Variants in C1QTNF3 observed in about 807,000 individuals in gnomAD.
C1QTNF3 encodes the protein complement C1q tumor necrosis factor-related protein 3.
C1QTNF3 carries 26 observed loss-of-function variants against 32.6 expected under a neutral mutation model. The observed-to-expected ratio is 0.80, with a 90% CI of 0.58 to 1.11. The LOEUF is 1.11. Ranked by LOEUF, C1QTNF3 falls within the 50% of genes least tolerant of loss-of-function variation. The probability of loss-of-function intolerance (pLI) is 0.00; values close to 1 mark genes in which losing one functional copy is unlikely to be tolerated. For synonymous variants in C1QTNF3, 155 were observed against 146.0 expected (o/e 1.06, Z -0.44); for missense variants, 362 against 398.2 (o/e 0.91, Z 0.77).
At chr5:34,194,819 T>A in the C1QTNF3 span, among the ~76,000 whole-genome samples, 11 of 151,504 alleles carry the variant, frequency 7.3e-5, no homozygotes, top group Admixed American at 6.6e-4. Flanking sequence ...TATTTGCACA[T>A]CACCTTTGCA....
chr5:34,149,107 C>T, the C1QTNF3 span, among the ~76,000 whole-genome samples: 1,026 of 29,596 alleles, frequency 0.035, 56 homozygotes, highest in African/African-American at 0.12. Context: ...AGGGTATCAG[C>T]GATGGAAGAT....
At chr5:34,133,976 T>C in the C1QTNF3 span, among the ~76,000 whole-genome samples, 3 of 152,210 alleles carry the variant, frequency 2.0e-5, no homozygotes, top group African/African-American at 7.2e-5. Flanking sequence ...GAGTGAGTGT[T>C]TGGTGACTAA....
upstream of C1QTNF3, among the ~76,000 whole-genome samples, chr5:34,044,671 G>A (rs145124992): frequency 2.0e-5 from 3 of 152,282 alleles, no homozygotes; most frequent in East Asian, 1.9e-4. Flanking sequence ...TGCTGGGGAC[G>A]GAGGGAGAGA....
chr5:34,230,733 G>A, the C1QTNF3 span, among the ~76,000 whole-genome samples: 1 of 152,124 alleles, frequency 6.6e-6, no homozygotes, highest in Admixed American at 6.6e-5. Flanking sequence ...AGTAATGACT[G>A]TAGTGGACAG....
At chr5:34,084,804 T>TG in the C1QTNF3 span, among the ~76,000 whole-genome samples, 1 of 118,648 alleles carries the variant, frequency 8.4e-6, no homozygotes, top group African/African-American at 5.7e-5. Flanking sequence ...TTTTTTGTTT[T>TG]TTTTGTTTTT....
chr5:34,112,497 CAA>C, the C1QTNF3 span, among the ~76,000 whole-genome samples: 264 of 132,768 alleles, frequency 2.0e-3, no homozygotes, highest in Middle Eastern at 3.9e-3. Flanking sequence ...CCATCTCTAC[CAA>C]AAAAAAAAAA....
At chr5:34,020,808 CTG>C in intron 5 of C1QTNF3, 66 bp from the exon 6 acceptor site, 1 of 1,497,168 alleles carries the variant, frequency 6.7e-7, no homozygotes, top group Non-Finnish European at 9.2e-7. Flanking sequence ...TCACCAAAGT[CTG>C]TGCTCCCCTT....
At chr5:34,142,897 A>C in the C1QTNF3 span, among the ~76,000 whole-genome samples, 2 of 152,228 alleles carry the variant, frequency 1.3e-5, no homozygotes, top group African/African-American at 4.8e-5. Context: ...CTTCCAAAGG[A>C]GTCCACTAGC....
the C1QTNF3 span, among the ~76,000 whole-genome samples, chr5:34,237,853 G>A: frequency 6.6e-6 from 1 of 152,030 alleles, no homozygotes; most frequent in Non-Finnish European, 1.5e-5. Context: ...GACTCCCCCA[G>A]GGCCCAGGAG....
At chr5:34,056,068 C>T in the C1QTNF3 span, among the ~76,000 whole-genome samples, 25 of 152,144 alleles carry the variant, frequency 1.6e-4, no homozygotes, top group Non-Finnish European at 3.2e-4. Context: ...GAAATGGCAT[C>T]CATCAGTTTT....
At chr5:34,232,850 A>C in the C1QTNF3 span, among the ~76,000 whole-genome samples, 1 of 152,084 alleles carries the variant, frequency 6.6e-6, no homozygotes, top group Non-Finnish European at 1.5e-5. Context: ...AATCAGGCAC[A>C]TATTTTTTTA....
the C1QTNF3 span, among the ~76,000 whole-genome samples, chr5:34,088,791 C>T: frequency 3.3e-5 from 5 of 152,278 alleles, no homozygotes; most frequent in South Asian, 2.1e-4. Flanking sequence ...AGATGACTTG[C>T]GTGAGCCACC....
At chr5:34,023,827 C>T (rs1754398897) in intron 5 of C1QTNF3, 82 bp downstream of exon 5, 1 of 1,088,148 alleles carries the variant, frequency 9.2e-7, no homozygotes. Flanking sequence ...CTATTGACTC[C>T]TATACGCTTC....
the C1QTNF3 span, among the ~76,000 whole-genome samples, chr5:34,056,479 TAGAGAGAGAGAGAGAGAGAGAGAGAG>T: frequency 1.4e-4 from 7 of 51,756 alleles, no homozygotes; most frequent in African/African-American, 5.8e-4. Flanking sequence ...TATATATATA[TAGAGAGAGAGAGAGAGAGAGAGAGAG>T]AGAGAGAGAG....
chr5:34,203,936 C>T, the C1QTNF3 span, among the ~76,000 whole-genome samples: 4 of 151,844 alleles, frequency 2.6e-5, no homozygotes, highest in African/African-American at 7.3e-5. Flanking sequence ...GAAGTCATTA[C>T]ATAATGATAA....
the C1QTNF3 span, among the ~76,000 whole-genome samples, chr5:34,054,183 T>C: frequency 6.6e-6 from 1 of 152,206 alleles, no homozygotes; most frequent in Non-Finnish European, 1.5e-5. Context: ...TTGAGCTGTT[T>C]TCATCTCTTC....
the C1QTNF3 span, among the ~76,000 whole-genome samples, chr5:34,110,236 G>A: frequency 1.3e-5 from 2 of 151,834 alleles, no homozygotes; most frequent in African/African-American, 2.4e-5. Flanking sequence ...GAAAAGATGC[G>A]ATGTGAGGTT....
At chr5:34,042,786 G>C in intron 1 of C1QTNF3, 37 bp downstream of exon 1, 1 of 1,569,436 alleles carries the variant, frequency 6.4e-7, no homozygotes, top group Non-Finnish European at 8.7e-7. Flanking sequence ...CACTCATTAA[G>C]CTTTCACAAA....
chr5:34,216,823 CT>C, the C1QTNF3 span, among the ~76,000 whole-genome samples: 12 of 152,028 alleles, frequency 7.9e-5, no homozygotes, highest in Non-Finnish European at 1.5e-4. Flanking sequence ...ATAAATAGGC[CT>C]TCTTACTTCA....
Sources: allele counts gnomAD v4.1 joint callset (sites outside exome capture counted in the v4.1 genomes callset), GRCh38; gene constraint gnomAD v4.1.1; transcripts MANE v1.5; gene names NCBI Gene and HGNC (gene_info 2026-07-23, HGNC 2026-07-21).